Variants in HPCA observed in about 807,000 individuals in gnomAD.
HPCA encodes the protein neuron-specific calcium-binding protein hippocalcin.
In HPCA, 4 loss-of-function variants were observed where a neutral mutation model predicts 18.2. The ratio of observed to expected loss-of-function variants is 0.22; its 90% confidence interval spans 0.11 to 0.50. The LOEUF (loss-of-function observed/expected upper bound fraction) is 0.50, where lower values mean the gene tolerates loss of function less well. Ranked by LOEUF, HPCA falls within the 20% of genes least tolerant of loss-of-function variation. The probability of loss-of-function intolerance (pLI) is 0.97; values close to 1 mark genes in which losing one functional copy is unlikely to be tolerated. For missense variants in HPCA, 161 were observed against 265.8 expected, an observed-to-expected ratio of 0.61 and a Z score of 2.74; for synonymous variants, 93 against 103.5, an observed-to-expected ratio of 0.90 and a Z score of 0.61.
At chr1:32,890,598 C>G (rs1158384910) in intron 2 of HPCA, among the ~76,000 whole-genome samples, 1 of 152,236 alleles carries the variant, frequency 6.6e-6, no homozygotes, top group Non-Finnish European at 1.5e-5. Context: ...ATTATTTTCT[C>G]CTCTGCACAT....
Position 32,889,337 on chromosome 1 carries a change from C to T in HPCA, c.378+61C>T, listed in dbSNP as rs1345742187. 1.3e-6 allele frequency: 2 copies of T among 1,525,984 alleles called. No homozygotes were observed. Among genetic ancestry groups the T allele is most frequent in the East Asian group, 4.5e-5 (2 of 44,018 alleles). 94.5% of individuals were successfully genotyped at this position (1,525,984 alleles called of 1,614,324 possible). A position where few individuals can be genotyped will look rare whatever the true frequency, so the allele number is the denominator to read the frequency against. ...GGCCCGGCAGCTTGCACCCACCACC[C>T]CTTTTGATCCTCTCAGCAGACCTCG... On this transcript the variant is annotated intron_variant, in intron 2 of 3. Transcript: ENST00000373467. This position sits in a 1 kb window ranked among gnomAD's most constrained non-coding sequence, Gnocchi z 4.6.
intron 1 of HPCA, among the ~76,000 whole-genome samples, chr1:32,888,260 C>T (rs11578778): frequency 1.3e-5 from 2 of 152,168 alleles, no homozygotes; most frequent in African/African-American, 4.8e-5. Flanking sequence ...GGATTCAAAC[C>T]TAGGTGATCT....
intron 1 of HPCA, among the ~76,000 whole-genome samples, chr1:32,888,234 G>C (rs1570016422): frequency 6.6e-6 from 1 of 152,186 alleles, no homozygotes; most frequent in African/African-American, 2.4e-5. Flanking sequence ...CACATAGCTG[G>C]TAAGAGGAGG....
Position 32,893,839 on chromosome 1 carries a change from C to A in HPCA, c.559C>A (p.Pro187Thr), listed in dbSNP as rs1641514766. The A allele has an allele frequency of 1.3e-6, 2 of 1,573,540 alleles. No individual in the cohort carries two copies. Among genetic ancestry groups the A allele is most frequent in the Non-Finnish European group, 8.6e-7 (1 of 1,160,232 alleles). Residue 187 changes from proline (P) to threonine (T), a missense_variant, in exon 4 of 4, where the codon CCC (proline) becomes ACC (threonine). By Grantham distance (38) the Pro-to-Thr change is conservative (BLOSUM62 -1). Transcript: ENST00000373467. This position sits in a 1 kb window ranked among gnomAD's most constrained non-coding sequence, Gnocchi z 7.5. ...CATCGTGCGTCTGCTGCAGTGCGACCCCAGCAGCGCCTCCCAGTTCTGAGA... is the reference window on the plus strand; with the variant it reads ...CATCGTGCGTCTGCTGCAGTGCGACACCAGCAGCGCCTCCCAGTTCTGAGA... ...PSIVRLLQCD[P>T]SSASQF
chr1:32,887,657 TG>T (rs1641393045), intron 1 of HPCA, among the ~76,000 whole-genome samples: 1 of 152,130 alleles, frequency 6.6e-6, no homozygotes, highest in Non-Finnish European at 1.5e-5. Flanking sequence ...CTCCCTCTCC[TG>T]GGACCTGGCA....
chr1:32,891,163 C>A (rs772463257), intron 2 of HPCA, among the ~76,000 whole-genome samples: 4 of 152,234 alleles, frequency 2.6e-5, no homozygotes, highest in Non-Finnish European at 5.9e-5. Context: ...TTCTGGTGGC[C>A]TCTGCTATCC....
Position 32,889,121 on chromosome 1 carries a change from A to G in HPCA, c.223A>G (p.Asn75Asp). The change falls in exon 2 of 4, where the codon AAC (asparagine) becomes GAC (aspartate). Residue 75 changes from asparagine to aspartate, a missense_variant. By Grantham distance (23) the Asn-to-Asp change is conservative (BLOSUM62 1). Coordinates refer to ENST00000373467, the MANE Select transcript of HPCA (RefSeq NM_002143.3). The surrounding 1 kb of genome is among the most constrained non-coding windows in gnomAD (Gnocchi z 4.6). ...GCACGTCTTCCGCACCTTTGACACC[A>G]ACAGCGATGGCACCATAGACTTTCG... ...AEHVFRTFDTNSDGTIDFREF... is the reference protein window; with the variant it reads ...AEHVFRTFDTDSDGTIDFREF... 3 of 1,614,230 alleles carry G rather than the reference A, an allele frequency of 1.9e-6. No homozygotes were observed. The highest frequency in any genetic ancestry group is 2.5e-6 in the Non-Finnish European group (3 of 1,180,030).
Position 32,894,571 on chromosome 1 carries a change from G to A in HPCA, c.*709G>A, listed in dbSNP as rs1462935103. ...TGTCCTCCCCTCTGTCCCCCCAACC[G>A]CCCCCCCTGCATGCAGCCAAATGGA... is the stretch of plus-strand genomic sequence containing the variant. On this transcript the variant is annotated 3_prime_UTR_variant, in exon 4 of 4. Transcript: ENST00000373467. 7 of 254,584 alleles carry A rather than the reference G, an allele frequency of 2.7e-5. No individual in the cohort carries two copies. The highest frequency in any genetic ancestry group is 5.9e-5 in the South Asian group (1 of 16,934). 15.8% of individuals were successfully genotyped at this position (254,584 alleles called of 1,614,324 possible). A position where few individuals can be genotyped will look rare whatever the true frequency, so the allele number is the denominator to read the frequency against.
rs1256407597 is a variant in HPCA at position 32,893,514 on chromosome 1, C to A, written c.379-10C>A. On this transcript the variant is annotated splice_polypyrimidine_tract_variant and intron_variant, in intron 2 of 3. Coordinates refer to ENST00000373467, the MANE Select transcript of HPCA (RefSeq NM_002143.3). The surrounding 1 kb of genome is among the most constrained non-coding windows in gnomAD (Gnocchi z 7.5). ...CTCCTCTCACTCCCCGCCTCCCCTC[C>A]CGCCCCCAGGCCATTTACAAGATGG... 2.9e-5 allele frequency: 46 copies of A among 1,600,098 alleles called. No individual in the cohort carries two copies. The highest frequency in any genetic ancestry group is 3.9e-5 in the Non-Finnish European group (45 of 1,167,890).
Position 32,889,364 on chromosome 1 carries a change from A to T in HPCA, c.378+88A>T. ...TTTTGATCCTCTCAGCAGACCTCGTAGGCATGTGGTGGCAGGGGATATTCT... is the reference window on the plus strand; with the variant it reads ...TTTTGATCCTCTCAGCAGACCTCGTTGGCATGTGGTGGCAGGGGATATTCT... On this transcript the variant is annotated intron_variant, in intron 2 of 3. Transcript: ENST00000373467. This position sits in a 1 kb window ranked among gnomAD's most constrained non-coding sequence, Gnocchi z 4.6. 1 of 1,368,634 alleles carries T rather than the reference A, an allele frequency of 7.3e-7. No homozygotes were observed. 84.8% of individuals were successfully genotyped at this position (1,368,634 alleles called of 1,614,324 possible).
chr1:32,887,996 G>A (rs1377792627), intron 1 of HPCA, among the ~76,000 whole-genome samples: 3 of 152,030 alleles, frequency 2.0e-5, no homozygotes, highest in African/African-American at 4.8e-5. Flanking sequence ...TACAGTTATC[G>A]GTATACATTC....
Position 32,894,079 on chromosome 1 carries a change from G to A in HPCA, c.*217G>A. On this transcript the variant is annotated 3_prime_UTR_variant, in exon 4 of 4. Transcript: ENST00000373467. ...CCCCAATCCCAGAGGCAACAATAGA[G>A]ACACAGGCTGGGTTGGTCTGCCCCT... The A allele has an allele frequency of 3.6e-6, 2 of 558,410 alleles. No homozygotes were observed. Among genetic ancestry groups the A allele is most frequent in the Non-Finnish European group, 6.4e-6 (2 of 312,674 alleles). The allele number at this position is 558,410 out of a possible 1,614,324, so 34.6% of individuals were successfully genotyped here.
chr1:32,893,625 C>G lies in HPCA; in HGVS notation c.480C>G (p.Asn160Lys), dbSNP rs767279968. ...TCTTCCGCCAAATGGACACAAACAA[C>G]GACGGTGAGGGGCAGGGGCGGGACG... ...EKIFRQMDTN[N>K]DGKLSLEEFI... is the part of the protein sequence containing the mutation. Residue 160 changes from asparagine (N) to lysine (K), a missense_variant, in exon 3 of 4, where the codon AAC (asparagine) becomes AAG (lysine). Asn to Lys is a moderately conservative substitution (Grantham distance 94). Transcript: ENST00000373467. The surrounding 1 kb of genome is among the most constrained non-coding windows in gnomAD (Gnocchi z 7.5). 6.2e-7 allele frequency: 1 copy of G among 1,609,522 alleles called. No individual in the cohort carries two copies. Among genetic ancestry groups the G allele is most frequent in the Non-Finnish European group, 8.5e-7 (1 of 1,175,910 alleles).
chr1:32,888,870 G>A lies in HPCA; in HGVS notation c.-21-8G>A. The A allele has an allele frequency of 6.3e-7, 1 of 1,588,070 alleles. No homozygotes were observed. Among genetic ancestry groups the A allele is most frequent in the Non-Finnish European group, 8.6e-7 (1 of 1,167,562 alleles). ...TCCTCTCTGCCCTTGACCCCCTTGG[G>A]GACCCAGGTGGGACTTGGCTCGGCG... On this transcript the variant is annotated splice_polypyrimidine_tract_variant and splice_region_variant and intron_variant, in intron 1 of 3. Transcript: ENST00000373467.
In HPCA at chr1:32,887,730, G is replaced by A. The variant is rs188669785; in HGVS notation, c.-21-1148G>A. ...TGGCAAGGGTGCCTGAAGGTCCCAC[G>A]TGCAGCTGGCCATGTGAGAGGTGTC... On this transcript the variant is annotated intron_variant, in intron 1 of 3. Transcript: ENST00000373467. 1.2e-4 allele frequency among the ~76,000 whole-genome samples: 18 copies of A among 152,280 alleles called. No homozygotes were observed. The East Asian group carries it at 2.3e-3, about 20-fold the overall frequency.
intron 2 of HPCA, among the ~76,000 whole-genome samples, chr1:32,890,025 CTAAT>C (rs1557540025): frequency 1.3e-5 from 2 of 152,246 alleles, no homozygotes; most frequent in African/African-American, 4.8e-5. Context: ...CATCTTCTAA[CTAAT>C]TGATTGAGGG....
rs375912060 is a variant in HPCA at position 32,893,811 on chromosome 1, G to C, written c.531G>C (p.Pro177=). The change falls in exon 4 of 4, where the codon CCG becomes CCC. Residue 177 remains proline, a synonymous_variant. Coordinates refer to ENST00000373467, the MANE Select transcript of HPCA (RefSeq NM_002143.3). This position sits in a 1 kb window ranked among gnomAD's most constrained non-coding sequence, Gnocchi z 7.5. The part of the protein sequence containing the change: ...EEFIRGAKSD[P]SIVRLLQCDP... Reference sequence around the variant, plus strand: ...TCATCCGCGGGGCCAAAAGCGACCCGTCCATCGTGCGTCTGCTGCAGTGCG... The same window carrying C: ...TCATCCGCGGGGCCAAAAGCGACCCCTCCATCGTGCGTCTGCTGCAGTGCG... 4.4e-5 allele frequency: 69 copies of C among 1,581,104 alleles called. No individual in the cohort carries two copies. Among genetic ancestry groups the C allele is most frequent in the Middle Eastern group, 1.7e-4 (1 of 6,042 alleles).
In HPCA at chr1:32,886,737, C is replaced by T. The variant is rs1047787084; in HGVS notation, c.-22+222C>T. On this transcript the variant is annotated intron_variant, in intron 1 of 3. Coordinates refer to ENST00000373467, the MANE Select transcript of HPCA (RefSeq NM_002143.3). The surrounding 1 kb of genome is among the most constrained non-coding windows in gnomAD (Gnocchi z 7.0). ...GGAACCGCGTTCGACCGCCCTGGAG[C>T]GCCCCCTCCAGGAGGGGCCACGCGC... Among the ~76,000 whole-genome samples the T allele has an allele frequency of 6.6e-6, 1 of 152,030 alleles. No individual in the cohort carries two copies. The highest frequency in any genetic ancestry group is 6.5e-5 in the Admixed American group (1 of 15,278).
rs966588392 is a variant in HPCA, at chr1:32,889,961, C to T, written c.378+685C>T. ...AGGCACTTGCTTGAGGCCACACAGC[C>T]TGTGTGAGTGGGCCATCTGGCACCA... On this transcript the variant is annotated intron_variant, in intron 2 of 3. Transcript: ENST00000373467. The surrounding 1 kb of genome is among the most constrained non-coding windows in gnomAD (Gnocchi z 4.6). Among the ~76,000 whole-genome samples the T allele has an allele frequency of 6.6e-6, 1 of 152,226 alleles. No individual in the cohort carries two copies. The highest frequency in any genetic ancestry group is 2.4e-5 in the African/African-American group (1 of 41,450).
Sources: gnomAD v4.1 joint callset for allele counts (sites outside exome capture counted in the v4.1 genomes callset) on GRCh38, gnomAD v4.1.1 for gene constraint, Gnocchi (gnomAD v3.1) non-coding constraint, MANE v1.5 for transcripts, NCBI Gene and HGNC (gene_info 2026-07-23, HGNC 2026-07-21) for gene names.